CTNNA2: variants seen among roughly 807,000 people sequenced by gnomAD.
CTNNA2 encodes the protein catenin alpha-2.
In CTNNA2, 42 loss-of-function variants were observed where a neutral mutation model predicts 101.0. That is an observed-to-expected ratio of 0.42 (90% CI 0.32 to 0.54). The LOEUF (loss-of-function observed/expected upper bound fraction) is 0.54, where lower values mean the gene tolerates loss of function less well. Ranked by LOEUF, CTNNA2 falls within the 20% of genes least tolerant of loss-of-function variation. The probability of loss-of-function intolerance (pLI) is 0.14; values close to 1 mark genes in which losing one functional copy is unlikely to be tolerated. For missense variants in CTNNA2, 871 were observed against 1,223.1 expected, an observed-to-expected ratio of 0.71 and a Z score of 4.29; for synonymous variants, 450 against 456.4, an observed-to-expected ratio of 0.99 and a Z score of 0.18.
chr2:79,721,053 T>C (rs1686451800), intron 2 of CTNNA2, among the ~76,000 whole-genome samples: 1 of 136,866 alleles, frequency 7.3e-6, no homozygotes, highest in African/African-American at 2.9e-5. Context: ...CAGAAAAGTA[T>C]GATTTTTTTT....
chr2:79,712,111 C>T (rs921489619), intron 2 of CTNNA2, among the ~76,000 whole-genome samples: 1 of 152,110 alleles, frequency 6.6e-6, no homozygotes, highest in Admixed American at 6.5e-5. Context: ...AGGCATTGTG[C>T]TGACTACTTT....
chr2:79,402,747 C>T, intron 4 of CTNNA2, among the ~76,000 whole-genome samples: 1 of 151,784 alleles, frequency 6.6e-6, no homozygotes, highest in Admixed American at 6.6e-5. Flanking sequence ...ATAGAACAGG[C>T]CTCAATAAAA....
chr2:80,448,363 A>G (rs2149451931), intron 9 of CTNNA2, among the ~76,000 whole-genome samples: 1 of 152,350 alleles, frequency 6.6e-6, no homozygotes, highest in South Asian at 2.1e-4. Flanking sequence ...AAATCTTCAA[A>G]TAGTTCAAAA....
intron 7 of CTNNA2, among the ~76,000 whole-genome samples, chr2:80,215,850 GC>G (rs1558911558): frequency 6.6e-6 from 1 of 152,198 alleles, no homozygotes. Context: ...TCTATGCCCT[GC>G]CCCCAGAGGT....
At chr2:80,140,599 T>C (rs796634004) in intron 7 of CTNNA2, among the ~76,000 whole-genome samples, 3 of 152,152 alleles carry the variant, frequency 2.0e-5, no homozygotes, top group African/African-American at 4.8e-5. Flanking sequence ...TATAATTACA[T>C]GCAGTCATAA....
chr2:79,213,405 G>T (rs997597049), intron 2 of CTNNA2, among the ~76,000 whole-genome samples: 4 of 152,164 alleles, frequency 2.6e-5, no homozygotes, highest in Admixed American at 2.6e-4. Flanking sequence ...GGCATATTTA[G>T]AGTCAGTATA....
At chr2:79,847,150 A>G (rs1303673423) in intron 3 of CTNNA2, among the ~76,000 whole-genome samples, 1 of 151,076 alleles carries the variant, frequency 6.6e-6, no homozygotes, top group Non-Finnish European at 1.5e-5. Flanking sequence ...CATTTAAACA[A>G]ACTTCCCAAG....
intron 2 of CTNNA2, among the ~76,000 whole-genome samples, chr2:79,201,049 T>C (rs749571439): frequency 4.6e-5 from 7 of 152,120 alleles, no homozygotes; most frequent in Admixed American, 2.6e-4. Context: ...GGCCTTGTTA[T>C]GTAAATAAAA....
intron 3 of CTNNA2, among the ~76,000 whole-genome samples, chr2:79,349,501 A>G (rs1677336277): frequency 6.6e-6 from 1 of 152,226 alleles, no homozygotes; most frequent in Admixed American, 6.5e-5. Context: ...GGTTAGAAAC[A>G]CAAACTATTC....
At chr2:79,398,289 A>G (rs1193846359) in intron 4 of CTNNA2, among the ~76,000 whole-genome samples, 1 of 152,140 alleles carries the variant, frequency 6.6e-6, no homozygotes, top group African/African-American at 2.4e-5. Context: ...TTTTCCTAGC[A>G]ATAACCTTTG....
intron 7 of CTNNA2, among the ~76,000 whole-genome samples, chr2:80,217,928 G>A (rs542431015): frequency 2.6e-4 from 39 of 152,236 alleles, no homozygotes; most frequent in South Asian, 6.2e-4. Context: ...GTTGCAAAAG[G>A]ATCTCATTTA....
intron 18 of CTNNA2, among the ~76,000 whole-genome samples, chr2:80,624,143 A>G (rs1372677372): frequency 1.3e-5 from 2 of 151,938 alleles, no homozygotes; most frequent in Non-Finnish European, 2.9e-5. Context: ...AAGTTGTGCC[A>G]AGATAAGAGA....
chr2:79,284,848 C>T (rs1573028331), intron 2 of CTNNA2, among the ~76,000 whole-genome samples: 1 of 144,356 alleles, frequency 6.9e-6, no homozygotes, highest in Non-Finnish European at 1.5e-5. Context: ...CCAGTTCCTC[C>T]TTGTACCTCT....
At chr2:80,198,783 G>T (rs1006916923) in intron 7 of CTNNA2, among the ~76,000 whole-genome samples, 38 of 152,130 alleles carry the variant, frequency 2.5e-4, no homozygotes, top group African/African-American at 8.9e-4. Flanking sequence ...CTTATTGCCC[G>T]TGATGTCATT....
rs1696250907 is a variant in CTNNA2 at position 80,043,108 on chromosome 2, T to TTTC, written c.1056+133311_1056+133312insTTC. 6.8e-5 allele frequency among the ~76,000 whole-genome samples: 5 copies of TTTC among 74,028 alleles called. No individual in the cohort carries two copies. In the South Asian group the frequency reaches 1.1e-3, roughly 17 times the overall value. 48.6% of individuals were successfully genotyped at this position (74,028 alleles called of 152,430 possible). A position where few individuals can be genotyped will look rare whatever the true frequency, so the allele number is the denominator to read the frequency against. On this transcript the variant is annotated intron_variant, in intron 7 of 18. Transcript: ENST00000402739. ...CTTTCTTTCTTTCTCTCTCTCTCTC[T>TTTC]CTCTTTCTTTCTCCTTCCTTCCTTC...
intron 2 of CTNNA2, among the ~76,000 whole-genome samples, chr2:79,666,440 CTTT>C (rs1170081722): frequency 6.6e-6 from 1 of 152,090 alleles, no homozygotes; most frequent in South Asian, 2.1e-4. Context: ...TCATGGGACT[CTTT>C]TTAGTATTTT....
intron 1 of CTNNA2, among the ~76,000 whole-genome samples, chr2:79,598,748 G>A (rs895595139): frequency 6.6e-6 from 1 of 152,166 alleles, no homozygotes; most frequent in Non-Finnish European, 1.5e-5. Flanking sequence ...TTCTCCCAGT[G>A]TGTGTATTGT....
chr2:80,611,017 T>G (rs2149789438), intron 17 of CTNNA2, among the ~76,000 whole-genome samples: 1 of 151,510 alleles, frequency 6.6e-6, no homozygotes, highest in South Asian at 2.1e-4. Context: ...TTTTTTTTTT[T>G]GTCATTGGCT....
At chr2:80,355,912 A>G (rs552500233) in intron 7 of CTNNA2, among the ~76,000 whole-genome samples, 3 of 152,218 alleles carry the variant, frequency 2.0e-5, no homozygotes, top group Admixed American at 2.0e-4. Context: ...ATTGCTGGGT[A>G]AATAGCACAG....
Sources: allele counts gnomAD v4.1 joint callset (sites outside exome capture counted in the v4.1 genomes callset), GRCh38; gene constraint gnomAD v4.1.1; transcripts MANE v1.5; gene names NCBI Gene and HGNC (gene_info 2026-07-23, HGNC 2026-07-21).